RNFT2: variants seen among roughly 807,000 people sequenced by gnomAD.
RNFT2 encodes E3 ubiquitin-protein ligase RNFT2.
RNFT2 carries 36 observed loss-of-function variants against 53.0 expected under a neutral mutation model. The ratio of observed to expected loss-of-function variants is 0.68; its 90% CI spans 0.52 to 0.90. The LOEUF (loss-of-function observed/expected upper bound fraction) is 0.90, where lower values mean the gene tolerates loss of function less well. Among genes scored for constraint, RNFT2 ranks in the 40% least tolerant of loss-of-function variants. The probability of loss-of-function intolerance (pLI) is 0.00; values close to 1 mark genes in which losing one functional copy is unlikely to be tolerated. For missense variants in RNFT2, 514 were observed against 585.6 expected, an observed-to-expected ratio of 0.88 and a Z score of 1.26; for synonymous variants, 260 against 253.2, an observed-to-expected ratio of 1.03 and a Z score of -0.26.
intron 6 of RNFT2, among the ~76,000 whole-genome samples, chr12:116,773,580 G>A (rs1283869104): frequency 1.3e-5 from 2 of 152,170 alleles, no homozygotes; most frequent in South Asian, 2.1e-4. Context: ...GGGCTGGGTC[G>A]CAGAGTCCAG....
In RNFT2 at chr12:116,849,746, A is replaced by G. The variant is rs2137230242; in HGVS notation, c.*298A>G. The G allele has an allele frequency of 2.6e-6, 3 of 1,172,414 alleles. No homozygotes were observed. The highest frequency in any genetic ancestry group is 3.2e-6 in the Non-Finnish European group (3 of 950,672). 72.6% of individuals were successfully genotyped at this position (1,172,414 alleles called of 1,614,324 possible). ...CTCCAAGTCAAGGACCTGGCAATAC[A>G]TGAAGTTCCCACTTGTTGGTTATTT... On this transcript the variant is annotated 3_prime_UTR_variant, in exon 11 of 11. Transcript: ENST00000257575.
chr12:116,747,257 T>C (rs532766235), intron 3 of RNFT2, among the ~76,000 whole-genome samples: 1 of 152,242 alleles, frequency 6.6e-6, no homozygotes, highest in East Asian at 1.9e-4. Context: ...GTTCTTGCAA[T>C]GTTGCCCAGG....
At chr12:116,841,832 TAA>T (rs1456574177) in intron 10 of RNFT2, among the ~76,000 whole-genome samples, 1 of 24,242 alleles carries the variant, frequency 4.1e-5, no homozygotes, top group African/African-American at 1.9e-4. Context: ...TATATATATA[TAA>T]ATATATATAT....
At chr12:116,764,278 C>T (rs748096887) in intron 5 of RNFT2, among the ~76,000 whole-genome samples, 1 of 151,950 alleles carries the variant, frequency 6.6e-6, no homozygotes, top group South Asian at 2.1e-4. Context: ...GATGGGTGCA[C>T]GAAAATCTCA....
chr12:116,825,470 C>T (rs1057013526), intron 7 of RNFT2, among the ~76,000 whole-genome samples: 6 of 152,208 alleles, frequency 3.9e-5, no homozygotes, highest in African/African-American at 1.4e-4. Context: ...CTAGCTGTAT[C>T]ATGTACTGGG....
chr12:116,841,855 A>AT (rs1565876093), intron 10 of RNFT2, among the ~76,000 whole-genome samples: 28 of 24,506 alleles, frequency 1.1e-3, no homozygotes, highest in South Asian at 1.6e-3. Flanking sequence ...AAATATATAT[A>AT]AAAATATATA....
At chr12:116,786,355 C>G (rs1236185120) in intron 7 of RNFT2, among the ~76,000 whole-genome samples, 1 of 152,106 alleles carries the variant, frequency 6.6e-6, no homozygotes, top group African/African-American at 2.4e-5. Context: ...AGGTGATCCA[C>G]CCACCTCGGC....
At position 116,750,834 on chromosome 12, in the gene RNFT2, A is replaced by AG. The variant is rs1872175262; in HGVS notation, c.550+527_550+528insG. ...AATATATATATTATATATATAATAT[A>AG]TATATTATATATATATAATATATAT... On this transcript the variant is annotated intron_variant, in intron 4 of 10. Coordinates refer to ENST00000257575, the MANE Select transcript of RNFT2 (RefSeq NM_001382266.1). Among the ~76,000 whole-genome samples, 4 of 16,578 alleles carry AG rather than the reference A, an allele frequency of 2.4e-4. No individual in the cohort carries two copies. In the South Asian group the frequency reaches 9.3e-3, roughly 39 times the overall value. 10.9% of individuals were successfully genotyped at this position (16,578 alleles called of 152,430 possible).
intron 7 of RNFT2, among the ~76,000 whole-genome samples, chr12:116,785,253 G>GTGTGTGTA (rs1873881460): frequency 7.3e-6 from 1 of 137,018 alleles, no homozygotes; most frequent in Non-Finnish European, 1.5e-5. Flanking sequence ...CTACTTCTGT[G>GTGTGTGTA]TGTGTGTGTG....
chr12:116,846,159 G>T (rs1877601351), intron 10 of RNFT2, among the ~76,000 whole-genome samples: 1 of 152,208 alleles, frequency 6.6e-6, no homozygotes, highest in Non-Finnish European at 1.5e-5. Context: ...GGTATGGAGA[G>T]ACAGATAATA....
intron 3 of RNFT2, among the ~76,000 whole-genome samples, chr12:116,748,225 G>A (rs10774885): frequency 0.75 from 113,798 of 151,950 alleles, 42,867 homozygotes; most frequent in East Asian, 0.99. Context: ...GGATGAACCC[G>A]AGAATAGAAA....
intron 5 of RNFT2, among the ~76,000 whole-genome samples, chr12:116,765,660 A>C (rs1168278541): frequency 6.6e-6 from 1 of 152,196 alleles, no homozygotes; most frequent in Non-Finnish European, 1.5e-5. Context: ...GATTGCTGTC[A>C]GGCTATGAAA....
chr12:116,800,861 A>AATAAAATAAAATAAAAT (rs1555207184), intron 7 of RNFT2, among the ~76,000 whole-genome samples: 1 of 141,226 alleles, frequency 7.1e-6, no homozygotes, highest in African/African-American at 2.8e-5. Context: ...AATAAAATAA[A>AATAAAATAAAATAAAAT]AACCATTTAA....
In RNFT2 at chr12:116,741,189, G is replaced by A. The variant is rs1435247994; in HGVS notation, c.83+95G>A. On this transcript the variant is annotated intron_variant, in intron 3 of 10. Transcript: ENST00000257575. ...GATTGAACAATACCTCACCCTCAGC[G>A]TTAGTTGTTAGAGTCACACTGATGG... 35 of 916,564 alleles carry A rather than the reference G, an allele frequency of 3.8e-5. 1 individual carries two copies. The Admixed American group carries it at 4.9e-4, about 13-fold the overall frequency. The allele number at this position is 916,564 out of a possible 1,614,324, so 56.8% of individuals were successfully genotyped here.
intron 5 of RNFT2, chr12:116,755,581 G>T: frequency 1.2e-6 from 1 of 862,334 alleles, no homozygotes; most frequent in Non-Finnish European, 2.0e-6. Context: ...GGCTCTCAGA[G>T]TGCTTAATGT....
chr12:116,814,386 G>A (rs1875534898), intron 7 of RNFT2, among the ~76,000 whole-genome samples: 1 of 152,140 alleles, frequency 6.6e-6, no homozygotes, highest in Non-Finnish European at 1.5e-5. Context: ...GCAGGGCGGG[G>A]AAGGGAGGGC....
At chr12:116,812,637 C>T (rs945841259) in intron 7 of RNFT2, among the ~76,000 whole-genome samples, 14 of 151,524 alleles carry the variant, frequency 9.2e-5, no homozygotes, top group East Asian at 2.0e-4. Context: ...TGGGTTTAAA[C>T]GGTTCTCCTG....
intron 7 of RNFT2, among the ~76,000 whole-genome samples, chr12:116,798,983 C>A (rs1874640053): frequency 6.6e-6 from 1 of 152,138 alleles, no homozygotes; most frequent in Admixed American, 6.6e-5. Flanking sequence ...TGTAGGTCAG[C>A]AGTCCAGGTC....
chr12:116,828,584 G>A (rs942420828), intron 7 of RNFT2, among the ~76,000 whole-genome samples: 5 of 152,234 alleles, frequency 3.3e-5, no homozygotes, highest in African/African-American at 9.6e-5. Context: ...AGTTATCTTA[G>A]TACCTCCAGA....
Sources: allele counts gnomAD v4.1 joint callset (sites outside exome capture counted in the v4.1 genomes callset), GRCh38; gene constraint gnomAD v4.1.1; transcripts MANE v1.5; gene names NCBI Gene and HGNC (gene_info 2026-07-23, HGNC 2026-07-21).